The following STK33 variants were observed in gnomAD, a reference collection of about 807,000 sequenced individuals.
STK33 encodes serine/threonine kinase 33, also known as serine/threonine-protein kinase 33.
STK33 carries 52 observed loss-of-function variants against 58.0 expected under a neutral mutation model. That is an observed-to-expected ratio of 0.90 (90% CI 0.72 to 1.13). The LOEUF (loss-of-function observed/expected upper bound fraction) is 1.13. Among genes scored for constraint, STK33 ranks in the 50% most tolerant of loss-of-function variants. The pLI, the probability that STK33 is intolerant of heterozygous loss-of-function variation, is 0.00. For missense variants in STK33, 630 were observed against 604.2 expected, an observed-to-expected ratio of 1.04 and a Z score of -0.45; for synonymous variants, 215 against 200.1, an observed-to-expected ratio of 1.07 and a Z score of -0.63.
chr11:8,360,076 G>A, the STK33 span, among the ~76,000 whole-genome samples: 1 of 152,260 alleles, frequency 6.6e-6, no homozygotes, highest in Non-Finnish European at 1.5e-5. Flanking sequence ...GGACCTCAAA[G>A]CAGCCCCTGC....
At chr11:8,336,396 G>T in the STK33 span, among the ~76,000 whole-genome samples, 4 of 152,262 alleles carry the variant, frequency 2.6e-5, no homozygotes, top group African/African-American at 9.6e-5. Context: ...CGTGGGGGCA[G>T]TGAGGACAGG....
At chr11:8,550,557 G>C (rs1956235572) in intron 1 of STK33, among the ~76,000 whole-genome samples, 1 of 152,156 alleles carries the variant, frequency 6.6e-6, no homozygotes, top group South Asian at 2.1e-4. Context: ...TAAGTGCTTT[G>C]CTGCTTAGAA....
At chr11:8,413,119 G>A (rs1940556932) in intron 15 of STK33, among the ~76,000 whole-genome samples, 1 of 152,052 alleles carries the variant, frequency 6.6e-6, no homozygotes, top group African/African-American at 2.4e-5. Flanking sequence ...CTGTTTTGGG[G>A]GAAAAAATAG....
intron 11 of STK33, among the ~76,000 whole-genome samples, chr11:8,450,192 G>A (rs1006072887): frequency 2.0e-5 from 3 of 152,148 alleles, no homozygotes; most frequent in South Asian, 2.1e-4. Context: ...TAAAGAAAAT[G>A]TGGCACAGAT....
intron 1 of STK33, among the ~76,000 whole-genome samples, chr11:8,504,214 G>A (rs139433931): frequency 9.3e-4 from 141 of 152,324 alleles, no homozygotes; most frequent in African/African-American, 3.2e-3. Context: ...GGAAAGGGTA[G>A]ATAGGAGCTT....
At chr11:8,395,027 T>C (rs1327552097) in intron 15 of STK33, among the ~76,000 whole-genome samples, 1 of 152,222 alleles carries the variant, frequency 6.6e-6, no homozygotes, top group Non-Finnish European at 1.5e-5. Context: ...AGAGATTTTA[T>C]GCATCTTCAA....
chr11:8,364,004 G>C, the STK33 span, among the ~76,000 whole-genome samples: 1 of 152,226 alleles, frequency 6.6e-6, no homozygotes. Context: ...ACTGTGTTCT[G>C]AGTTTGGATC....
chr11:8,571,364 T>C (rs962286938), intron 1 of STK33, among the ~76,000 whole-genome samples: 2 of 152,096 alleles, frequency 1.3e-5, no homozygotes, highest in Admixed American at 6.5e-5. Flanking sequence ...AATAAGCAAA[T>C]TCATAGAGAT....
intron 1 of STK33, among the ~76,000 whole-genome samples, chr11:8,592,236 C>G (rs1035163609): frequency 3.9e-5 from 6 of 152,256 alleles, no homozygotes; most frequent in African/African-American, 1.4e-4. Flanking sequence ...TCAACTAATT[C>G]CAGCCAAAGC....
In STK33 at chr11:8,523,910, A is replaced by G. The variant is rs117418568; in HGVS notation, c.-465-43296T>C. Among the ~76,000 whole-genome samples, 21 of 152,316 alleles carry G rather than the reference A, an allele frequency of 1.4e-4. No individual in the cohort carries two copies. In the East Asian group the frequency reaches 3.9e-3, roughly 28 times the overall value. On this transcript the variant is annotated intron_variant, in intron 1 of 15. Transcript: ENST00000687296. ...AATGTGGGAAAAAGAAAGAGATCGG[A>G]TTGTTACTGTGTCTGTGTGGAAAGA...
At chr11:8,440,628 G>T in intron 12 of STK33, 50 bp downstream of exon 12, 2 of 1,464,542 alleles carry the variant, frequency 1.4e-6, no homozygotes, top group Non-Finnish European at 1.9e-6. Flanking sequence ...TCACTCTACT[G>T]TTAGAAACTA....
At chr11:8,382,659 C>G in the STK33 span, among the ~76,000 whole-genome samples, 16,769 of 152,180 alleles carry the variant, frequency 0.11, 1,170 homozygotes, top group East Asian at 0.26. Flanking sequence ...GGGTCCAGGA[C>G]AGGTCCTGTG....
At chr11:8,341,630 A>C in the STK33 span, among the ~76,000 whole-genome samples, 1 of 152,218 alleles carries the variant, frequency 6.6e-6, no homozygotes, top group African/African-American at 2.4e-5. Context: ...GCCCCAGAGA[A>C]TACCAGAGCC....
chr11:8,589,902 A>G (rs1220097261), intron 1 of STK33, among the ~76,000 whole-genome samples: 1 of 152,242 alleles, frequency 6.6e-6, no homozygotes, highest in East Asian at 1.9e-4. Flanking sequence ...ATCCAAGGAT[A>G]AATATTTGCT....
intron 15 of STK33, among the ~76,000 whole-genome samples, chr11:8,394,326 T>C (rs2134965308): frequency 6.6e-6 from 1 of 152,318 alleles, no homozygotes; most frequent in African/African-American, 2.4e-5. Flanking sequence ...AAAATTTCAA[T>C]TCATAAAATT....
intron 6 of STK33, among the ~76,000 whole-genome samples, chr11:8,470,487 G>A (rs892885954): frequency 6.6e-6 from 1 of 152,140 alleles, no homozygotes; most frequent in Non-Finnish European, 1.5e-5. Context: ...TATCATTCAC[G>A]TGTTCACTGG....
chr11:8,550,146 A>C (rs1956209298), intron 1 of STK33, among the ~76,000 whole-genome samples: 1 of 152,230 alleles, frequency 6.6e-6, no homozygotes, highest in South Asian at 2.1e-4. Flanking sequence ...TTATTGTAAC[A>C]GTTTTGAAGA....
intron 1 of STK33, among the ~76,000 whole-genome samples, chr11:8,495,643 G>A (rs906021063): frequency 5.3e-5 from 8 of 152,052 alleles, no homozygotes; most frequent in Admixed American, 1.3e-4. Context: ...AAAGAGACAC[G>A]CACATGTATA....
At chr11:8,376,998 T>C in the STK33 span, among the ~76,000 whole-genome samples, 1 of 152,182 alleles carries the variant, frequency 6.6e-6, no homozygotes, top group South Asian at 2.1e-4. Flanking sequence ...TTCAGAAGCA[T>C]AATCTGAAGC....
Sources: allele counts gnomAD v4.1 joint callset (sites outside exome capture counted in the v4.1 genomes callset), GRCh38; gene constraint gnomAD v4.1.1; transcripts MANE v1.5; gene names NCBI Gene and HGNC (gene_info 2026-07-23, HGNC 2026-07-21).